Variants in KYNU observed in about 807,000 individuals in gnomAD.
The protein encoded by KYNU is kynureninase, also known as L-kynurenine hydrolase.
KYNU carries 54 observed loss-of-function variants against 59.2 expected under a neutral mutation model. That is an observed-to-expected ratio of 0.91 (90% CI 0.73 to 1.14). The LOEUF is 1.14. Ranked by LOEUF, KYNU falls within the 50% of genes most tolerant of loss-of-function variation. The pLI is 0.00. For synonymous variants in KYNU, 177 were observed against 192.0 expected (o/e 0.92, Z 0.65); for missense variants, 567 against 554.4 (o/e 1.02, Z -0.23).
chr2:143,045,479 C>G lies in KYNU; in HGVS notation c.*3307C>G, dbSNP rs1227588847. ...CTATCTATGAGCATGGAATGTTTTT[C>G]CATTTGTTTGTGTCCTCTCTGGTAT... On this transcript the variant is annotated 3_prime_UTR_variant, in exon 14 of 14. Transcript: ENST00000264170. 1 of 152,072 alleles carries G rather than the reference C, an allele frequency of 6.6e-6. No homozygotes were observed. The highest frequency in any genetic ancestry group is 1.5e-5 in the Non-Finnish European group (1 of 68,018). The allele number at this position is 152,072 out of a possible 1,614,324, so 9.4% of individuals were successfully genotyped here.
intron 3 of KYNU, among the ~76,000 whole-genome samples, chr2:142,921,875 C>T (rs1682897204): frequency 6.6e-6 from 1 of 152,102 alleles, no homozygotes; most frequent in Non-Finnish European, 1.5e-5. Flanking sequence ...CTTCATGCCA[C>T]TTCAGTGGTC....
chr2:143,041,503 C>T (rs1381896169), intron 13 of KYNU, among the ~76,000 whole-genome samples: 1 of 151,992 alleles, frequency 6.6e-6, no homozygotes, highest in African/African-American at 2.4e-5. Context: ...CACACATAAA[C>T]TATATACTAT....
chr2:142,980,830 A>C (rs1176864567), intron 8 of KYNU, among the ~76,000 whole-genome samples: 1 of 152,148 alleles, frequency 6.6e-6, no homozygotes, highest in Non-Finnish European at 1.5e-5. Flanking sequence ...TTTATTGAAA[A>C]ATTGCATAAA....
intron 8 of KYNU, among the ~76,000 whole-genome samples, chr2:142,981,514 G>A (rs1685051422): frequency 6.6e-6 from 1 of 151,930 alleles, no homozygotes; most frequent in African/African-American, 2.4e-5. Context: ...CTAAACATTA[G>A]TCTCCAAACC....
chr2:142,898,291 T>C (rs1205882387), intron 2 of KYNU, among the ~76,000 whole-genome samples: 1 of 152,022 alleles, frequency 6.6e-6, no homozygotes, highest in South Asian at 2.1e-4. Context: ...CAAAAAATTG[T>C]CATCAAGATC....
chr2:142,942,781 T>A (rs1271182826), intron 4 of KYNU, among the ~76,000 whole-genome samples: 2 of 152,232 alleles, frequency 1.3e-5, no homozygotes, highest in African/African-American at 4.8e-5. Flanking sequence ...TTGGGTTTTG[T>A]ATTTTGGCAT....
chr2:142,907,513 G>A (rs1401780970), intron 2 of KYNU, among the ~76,000 whole-genome samples: 1 of 152,120 alleles, frequency 6.6e-6, no homozygotes, highest in Non-Finnish European at 1.5e-5. Context: ...GCAAATAGCA[G>A]TTGTGGATGG....
In KYNU at chr2:143,045,259, G is replaced by A. The variant is rs1274093756; in HGVS notation, c.*3087G>A. ...GCCTTGTAGTATAGTTTGAAGTCAG[G>A]TAGTGTGATGCCTCCAGCTTTGTTC... On this transcript the variant is annotated 3_prime_UTR_variant, in exon 14 of 14. Transcript: ENST00000264170. 2 of 152,098 alleles carry A rather than the reference G, an allele frequency of 1.3e-5. No individual in the cohort carries two copies. The highest frequency in any genetic ancestry group is 4.8e-5 in the African/African-American group (2 of 41,420). 9.4% of individuals were successfully genotyped at this position (152,098 alleles called of 1,614,324 possible). A position where few individuals can be genotyped will look rare whatever the true frequency, so the allele number is the denominator to read the frequency against.
At chr2:143,036,218 A>G (rs567653634) in intron 12 of KYNU, among the ~76,000 whole-genome samples, 4 of 151,984 alleles carry the variant, frequency 2.6e-5, no homozygotes, top group Admixed American at 6.6e-5. Flanking sequence ...TAATTTATTT[A>G]GTAAGGCCAT....
chr2:142,936,549 G>A (rs1683396559), intron 4 of KYNU, among the ~76,000 whole-genome samples: 1 of 152,138 alleles, frequency 6.6e-6, no homozygotes, highest in South Asian at 2.1e-4. Flanking sequence ...AGGAGTGATC[G>A]TCACTGCTGC....
chr2:143,002,501 G>A (rs1299413184), intron 10 of KYNU, among the ~76,000 whole-genome samples: 3 of 152,112 alleles, frequency 2.0e-5, no homozygotes, highest in Admixed American at 1.3e-4. Flanking sequence ...GGTCTTTGAT[G>A]TTTCTGTCAG....
chr2:143,022,783 T>G (rs1415512773), intron 10 of KYNU, among the ~76,000 whole-genome samples: 1 of 152,006 alleles, frequency 6.6e-6, no homozygotes, highest in East Asian at 1.9e-4. Flanking sequence ...ATTTGTCAAT[T>G]TAAGCAATGT....
intron 3 of KYNU, among the ~76,000 whole-genome samples, chr2:142,925,647 T>A (rs967778526): frequency 6.6e-6 from 1 of 152,216 alleles, no homozygotes; most frequent in African/African-American, 2.4e-5. Flanking sequence ...GACCTGGAGC[T>A]GGCTTATACC....
intron 6 of KYNU, among the ~76,000 whole-genome samples, chr2:142,956,896 A>G (rs1304989579): frequency 6.6e-6 from 1 of 152,124 alleles, no homozygotes; most frequent in Admixed American, 6.6e-5. Context: ...CTATCTCAAC[A>G]CTTCAGGAAA....
At chr2:142,957,916 A>G (rs1213031592) in intron 7 of KYNU, 4 of 523,384 alleles carry the variant, frequency 7.6e-6, no homozygotes, top group Non-Finnish European at 6.8e-6. Flanking sequence ...TCATTTTTCA[A>G]GGGCTAGCCA....
In KYNU at chr2:142,895,829, C is replaced by T. The variant is rs535408839; in HGVS notation, c.169+10293C>T. ...CCTCCTGAGTAGCCAGGGCTACAGG[C>T]GTGCACCACCACACCAGTCTCATTT... On this transcript the variant is annotated intron_variant, in intron 2 of 13. Transcript: ENST00000264170. 2.4e-4 allele frequency among the ~76,000 whole-genome samples: 37 copies of T among 152,180 alleles called. 1 individual carries two copies. In the South Asian group the frequency reaches 4.8e-3, roughly 20 times the overall value.
chr2:142,928,940 T>A (rs1683124023), intron 4 of KYNU, among the ~76,000 whole-genome samples: 1 of 138,808 alleles, frequency 7.2e-6, no homozygotes, highest in African/African-American at 2.7e-5. Flanking sequence ...CCTGGGAGGT[T>A]GAGGCTGCAG....
intron 2 of KYNU, among the ~76,000 whole-genome samples, chr2:142,906,735 G>A (rs1682309774): frequency 1.3e-5 from 2 of 152,188 alleles, no homozygotes; most frequent in African/African-American, 4.8e-5. Flanking sequence ...GACCCAAGAG[G>A]TATGGGTCAG....
chr2:142,934,277 G>A (rs1192752638), intron 4 of KYNU, among the ~76,000 whole-genome samples: 2 of 152,116 alleles, frequency 1.3e-5, no homozygotes, highest in Non-Finnish European at 2.9e-5. Context: ...GGTGTTTTGT[G>A]ACTGAGGGTG....
Sources: allele counts gnomAD v4.1 joint callset (sites outside exome capture counted in the v4.1 genomes callset), GRCh38; gene constraint gnomAD v4.1.1; transcripts MANE v1.5; gene names NCBI Gene and HGNC (gene_info 2026-07-23, HGNC 2026-07-21).